JAM2: variants seen among roughly 807,000 people sequenced by gnomAD.
JAM2 encodes junctional adhesion molecule 2, also known as junctional adhesion molecule B.
In JAM2, 17 loss-of-function variants were observed where a neutral mutation model predicts 42.0. The observed-to-expected ratio is 0.40, with a 90% CI of 0.28 to 0.61. The LOEUF is 0.61. JAM2 is among the 20% of genes least tolerant of loss of function. JAM2 has a pLI of 0.37. For missense variants in JAM2, 319 were observed against 358.3 expected (o/e 0.89, Z 0.89); for synonymous variants, 118 against 128.6 (o/e 0.92, Z 0.56).
chr21:25,683,810 T>C (rs2033690406), intron 1 of JAM2, 73 bp from the exon 2 acceptor site: 14 of 1,057,260 alleles, frequency 1.3e-5, no homozygotes, highest in Admixed American at 1.0e-4. Context: ...TTCTTGACTA[T>C]TGCATCCCAT....
rs914551982 is a variant in JAM2 at position 25,716,690 on chromosome 21, A to ACTT, written c.*2019_*2021dup. 7.9e-5 allele frequency: 12 copies of ACTT among 152,202 alleles called. No individual in the cohort carries two copies. The highest frequency in any genetic ancestry group is 1.0e-4 in the Non-Finnish European group (7 of 68,030). The allele number at this position is 152,202 out of a possible 1,614,324, so 9.4% of individuals were successfully genotyped here. ...GTAGTCATGTCTGTGTTCCAATAAG[A>ACTT]CTTTATTTACAAAAACAGCAGGCAC... is the stretch of plus-strand genomic sequence containing the variant. On this transcript the variant is annotated 3_prime_UTR_variant, in exon 10 of 10. Transcript: ENST00000480456.
intron 3 of JAM2, chr21:25,692,073 G>C (rs982989669): frequency 3.3e-5 from 5 of 152,866 alleles, no homozygotes; most frequent in Non-Finnish European, 7.3e-5. Context: ...GCTGGCAGCT[G>C]CTCCTCACAG....
chr21:25,695,604 G>C (rs1012894857), intron 4 of JAM2, among the ~76,000 whole-genome samples: 3 of 149,230 alleles, frequency 2.0e-5, no homozygotes, highest in African/African-American at 7.4e-5. Context: ...GGGCAGAGGC[G>C]CCCCCCCACC....
intron 9 of JAM2, among the ~76,000 whole-genome samples, chr21:25,712,682 C>T (rs1288449108): frequency 2.0e-5 from 3 of 152,158 alleles, no homozygotes; most frequent in Non-Finnish European, 4.4e-5. Flanking sequence ...GCATTATCAG[C>T]TCCCTTTGAC....
chr21:25,695,513 C>A (rs139560110), intron 4 of JAM2, among the ~76,000 whole-genome samples: 5 of 151,584 alleles, frequency 3.3e-5, no homozygotes, highest in South Asian at 4.2e-4. Flanking sequence ...ACGGGGCGGC[C>A]GCGGGGCAGA....
intron 1 of JAM2, among the ~76,000 whole-genome samples, chr21:25,660,351 T>TA (rs1316091160): frequency 6.6e-6 from 1 of 152,138 alleles, no homozygotes; most frequent in African/African-American, 2.4e-5. Context: ...CCTCAGTTTA[T>TA]AAAAAAAGCA....
chr21:25,711,156 A>G (rs1028083647), intron 8 of JAM2, among the ~76,000 whole-genome samples: 1 of 152,152 alleles, frequency 6.6e-6, no homozygotes, highest in African/African-American at 2.4e-5. Context: ...GAATAAGTGG[A>G]GAGGTTGGAG....
intron 1 of JAM2, among the ~76,000 whole-genome samples, chr21:25,649,683 A>G (rs2032718414): frequency 6.6e-6 from 1 of 152,224 alleles, no homozygotes; most frequent in Admixed American, 6.5e-5. Context: ...TTGATATAAT[A>G]GCAATCTATA....
At chr21:25,676,564 G>T (rs1312089344) in intron 1 of JAM2, among the ~76,000 whole-genome samples, 1 of 152,186 alleles carries the variant, frequency 6.6e-6, no homozygotes, top group Non-Finnish European at 1.5e-5. Flanking sequence ...GTTGTTAGCA[G>T]TTATGAAAAT....
intron 7 of JAM2, among the ~76,000 whole-genome samples, chr21:25,707,816 C>T (rs1204617826): frequency 4.0e-5 from 6 of 151,884 alleles, no homozygotes; most frequent in African/African-American, 1.5e-4. Flanking sequence ...TGTTTTACAG[C>T]GAACATTAAT....
chr21:25,708,603 T>C (rs2034319179), intron 7 of JAM2, among the ~76,000 whole-genome samples: 1 of 152,146 alleles, frequency 6.6e-6, no homozygotes, highest in Non-Finnish European at 1.5e-5. Context: ...TGTCAATTAA[T>C]ACTTGTTCAG....
intron 2 of JAM2, among the ~76,000 whole-genome samples, chr21:25,686,244 T>A (rs1568907125): frequency 1.3e-5 from 2 of 152,314 alleles, no homozygotes; most frequent in South Asian, 2.1e-4. Flanking sequence ...CCAAAATAAG[T>A]GTTTTCTATT....
intron 1 of JAM2, among the ~76,000 whole-genome samples, chr21:25,650,987 G>A (rs1318020691): frequency 6.1e-5 from 8 of 130,182 alleles, no homozygotes; most frequent in African/African-American, 2.3e-4. Flanking sequence ...TTCTCCATGA[G>A]AATTAATTTC....
intron 1 of JAM2, among the ~76,000 whole-genome samples, chr21:25,640,965 G>A (rs1367403322): frequency 6.6e-6 from 1 of 152,124 alleles, no homozygotes; most frequent in East Asian, 1.9e-4. Flanking sequence ...TCACGCCCTC[G>A]CTGCCCAAGT....
At chr21:25,680,872 C>G (rs73161744) in intron 1 of JAM2, among the ~76,000 whole-genome samples, 1 of 151,874 alleles carries the variant, frequency 6.6e-6, no homozygotes, top group Middle Eastern at 3.2e-3. Flanking sequence ...GAATGAAGCA[C>G]CAGGATCAGA....
chr21:25,696,375 G>A (rs893477938), intron 4 of JAM2, among the ~76,000 whole-genome samples: 6 of 152,144 alleles, frequency 3.9e-5, no homozygotes, highest in African/African-American at 1.4e-4. Context: ...GAGGGAGACC[G>A]TGGGGAGACG....
At chr21:25,701,975 G>A (rs1180071089) in intron 5 of JAM2, among the ~76,000 whole-genome samples, 195 bp from the exon 6 acceptor site, 1 of 149,990 alleles carries the variant, frequency 6.7e-6, no homozygotes, top group Non-Finnish European at 1.5e-5. Flanking sequence ...TGTTCTTCTC[G>A]TCAAATTAAG....
rs1345442331 is a variant in JAM2, at chr21:25,717,174, C to T, written c.*2502C>T. ...GTATAAAAGAATGTTTTCCCCCACA[C>T]AAAGGGCAGAGTATTGAGCACTAAT... On this transcript the variant is annotated 3_prime_UTR_variant, in exon 10 of 10. Coordinates refer to ENST00000480456, the MANE Select transcript of JAM2 (RefSeq NM_021219.4). The T allele has an allele frequency of 6.6e-6, 1 of 152,532 alleles. No homozygotes were observed. The highest frequency in any genetic ancestry group is 1.5e-5 in the Non-Finnish European group (1 of 68,302). The allele number at this position is 152,532 out of a possible 1,614,324, so 9.4% of individuals were successfully genotyped here.
chr21:25,670,048 A>C (rs1232381718), intron 1 of JAM2, among the ~76,000 whole-genome samples: 1 of 152,222 alleles, frequency 6.6e-6, no homozygotes, highest in Admixed American at 6.5e-5. Flanking sequence ...TTCTGTCATA[A>C]ATCCAGTTCT....
Sources: allele counts gnomAD v4.1 joint callset (sites outside exome capture counted in the v4.1 genomes callset), GRCh38; gene constraint gnomAD v4.1.1; transcripts MANE v1.5; gene names NCBI Gene and HGNC (gene_info 2026-07-23, HGNC 2026-07-21).